The following KDM3A variants were observed in gnomAD, a reference collection of about 807,000 sequenced individuals.
KDM3A encodes the protein lysine-specific demethylase 3A.
A neutral mutation model predicts 158.0 loss-of-function variants in KDM3A; 60 were observed. That is an observed-to-expected ratio of 0.38 (90% CI 0.31 to 0.47). The LOEUF is 0.47. Ranked by LOEUF, KDM3A falls within the 20% of genes least tolerant of loss-of-function variation. KDM3A has a pLI of 0.99. For synonymous variants in KDM3A, 608 were observed against 549.3 expected (o/e 1.11, Z -1.49); for missense variants, 1,319 against 1,574.3 (o/e 0.84, Z 2.74).
chr2:86,461,217 C>T (rs1387366154), intron 8 of KDM3A, among the ~76,000 whole-genome samples: 2 of 152,090 alleles, frequency 1.3e-5, no homozygotes, highest in Non-Finnish European at 2.9e-5. Flanking sequence ...GTGCTGTTGC[C>T]ACTGCTCTCC....
At position 86,483,711 on chromosome 2, in the gene KDM3A, C is replaced by T. The variant is rs553909676; in HGVS notation, c.2923-276C>T. On this transcript the variant is annotated intron_variant, in intron 18 of 25. Transcript: ENST00000312912. ...AGCGCTTGTCTTCTTCACAGTCCGT[C>T]TTGCTGTAAGTAATGAGATCTTACT... is the stretch of plus-strand genomic sequence containing the variant. The T allele has an allele frequency of 3.1e-5, 7 of 225,962 alleles. No individual in the cohort carries two copies. The South Asian group carries it at 7.3e-4, about 23-fold the overall frequency. The allele number at this position is 225,962 out of a possible 1,614,324, so 14.0% of individuals were successfully genotyped here. A position where few individuals can be genotyped will look rare whatever the true frequency, so the allele number is the denominator to read the frequency against.
chr2:86,460,083 T>C (rs1672863811), intron 8 of KDM3A, among the ~76,000 whole-genome samples: 1 of 152,156 alleles, frequency 6.6e-6, no homozygotes, highest in South Asian at 2.1e-4. Context: ...TAGAAAAGTA[T>C]AGTAAAGAAT....
At chr2:86,472,368 A>G (rs1673458271) in intron 11 of KDM3A, among the ~76,000 whole-genome samples, 1 of 152,122 alleles carries the variant, frequency 6.6e-6, no homozygotes, top group South Asian at 2.1e-4. Flanking sequence ...TGATGTTTAG[A>G]GTGAAGATTG....
chr2:86,481,901 T>C, intron 16 of KDM3A, 29 bp from the exon 17 acceptor site: 1 of 1,569,110 alleles, frequency 6.4e-7, no homozygotes, highest in Non-Finnish European at 8.7e-7. Flanking sequence ...AGAATGTTTT[T>C]TCATCTGGAT....
Position 86,489,677 on chromosome 2 carries a change from T to G in KDM3A, c.3573+18T>G. On this transcript the variant is annotated intron_variant, in intron 23 of 25. Transcript: ENST00000312912. ...TTAAAAAGGTGTGCTGCTTATGGCA[T>G]GTGTGAACAGAGGCATAAGGAATAG... 6.2e-7 allele frequency: 1 copy of G among 1,601,338 alleles called. No individual in the cohort carries two copies. The highest frequency in any genetic ancestry group is 8.5e-7 in the Non-Finnish European group (1 of 1,174,060).
intron 19 of KDM3A, chr2:86,484,660 C>T (rs1674097406): frequency 2.8e-6 from 1 of 360,334 alleles, no homozygotes. Context: ...AAAGACAAGG[C>T]CCTGACACAG....
chr2:86,465,938 CAAAAA>C (rs10541366), intron 9 of KDM3A, among the ~76,000 whole-genome samples: 5 of 118,054 alleles, frequency 4.2e-5, no homozygotes, highest in Non-Finnish European at 9.0e-5. Context: ...AATTTACACA[CAAAAA>C]AAAAAAAAAA....
chr2:86,485,753 TC>T lies in KDM3A; in HGVS notation c.3209del (p.Pro1070HisfsTer12). On this transcript the variant is annotated frameshift_variant, in exon 21 of 26. Transcript: ENST00000312912. LOFTEE classifies it high-confidence loss of function. ...GGTTTGATGATCTGATGGCCAACATTCCACTGCCCGAGTACACAAGGCGAGA... is the reference window on the plus strand; with the variant it reads ...GGTTTGATGATCTGATGGCCAACATTCACTGCCCGAGTACACAAGGCGAGA... The part of the protein sequence containing the change: ...SRFDDLMANI[P>X]LPEYTRRDGK... 1 of 1,614,086 alleles carries T rather than the reference TC, an allele frequency of 6.2e-7. No individual in the cohort carries two copies.
At position 86,474,800 on chromosome 2, in the gene KDM3A, G is replaced by T; in HGVS notation, c.1749G>T (p.Val583=). 6.2e-7 allele frequency: 1 copy of T among 1,608,428 alleles called. No homozygotes were observed. The highest frequency in any genetic ancestry group is 1.1e-5 in the South Asian group (1 of 90,980). Residue 583 remains valine, a synonymous_variant, in exon 12 of 26, where the codon GTG becomes GTT. Transcript: ENST00000312912. ...GGTTACAATTCAACAAACATGGTGT[G>T]TTGCGGGTAGAAGGCTTCTTAACAC... ...FRRLQFNKHG[V]LRVEGFLTPN... is the part of the protein sequence containing the mutation.
chr2:86,458,341 C>T (rs1672791360), intron 8 of KDM3A, among the ~76,000 whole-genome samples: 1 of 152,148 alleles, frequency 6.6e-6, no homozygotes, highest in Non-Finnish European at 1.5e-5. Context: ...CCTCTGTCCT[C>T]CTTTGAAGGG....
At position 86,489,289 on chromosome 2, in the gene KDM3A, G is replaced by A. The variant is rs552357373; in HGVS notation, c.3314-29G>A. The A allele has an allele frequency of 1.1e-5, 17 of 1,605,474 alleles. No individual in the cohort carries two copies. The South Asian group carries it at 1.7e-4, about 16-fold the overall frequency. ...ACTGTGGCAGCCTTTGTTGTCTTTT[G>A]TAAAACTTAAGGCACTTTGTTTTTG... On this transcript the variant is annotated intron_variant, in intron 21 of 25. Transcript: ENST00000312912.
At chr2:86,455,380 G>A (rs1672646557) in intron 5 of KDM3A, among the ~76,000 whole-genome samples, 193 bp downstream of exon 5, 1 of 150,096 alleles carries the variant, frequency 6.7e-6, no homozygotes, top group Non-Finnish European at 1.5e-5. Flanking sequence ...TGCCTTACAA[G>A]TAGCTAGGAC....
rs565669477 is a variant in KDM3A at position 86,449,602 on chromosome 2, G to A, written c.187-205G>A. Among the ~76,000 whole-genome samples, 17 of 152,276 alleles carry A rather than the reference G, an allele frequency of 1.1e-4. No homozygotes were observed. The East Asian group carries it at 2.5e-3, about 22-fold the overall frequency. Reference sequence around the variant, plus strand: ...CAAAAAGCCTTGACTTCTGCATCCCGAAGTGAGTTGGGAGCCAAAGCCTGG... The same window carrying A: ...CAAAAAGCCTTGACTTCTGCATCCCAAAGTGAGTTGGGAGCCAAAGCCTGG... On this transcript the variant is annotated intron_variant, in intron 2 of 25. Transcript: ENST00000312912.
intron 11 of KDM3A, among the ~76,000 whole-genome samples, chr2:86,473,079 G>A (rs898575366): frequency 6.6e-6 from 1 of 152,084 alleles, no homozygotes; most frequent in Non-Finnish European, 1.5e-5. Flanking sequence ...TCTGTTACAG[G>A]CTACTTCATT....
chr2:86,489,734 C>T (rs1674362939), intron 23 of KDM3A, 75 bp downstream of exon 23: 7 of 1,484,582 alleles, frequency 4.7e-6, no homozygotes, highest in Non-Finnish European at 6.3e-6. Context: ...GGTGAACTGA[C>T]TGGCTTGGCT....
chr2:86,439,406 G>C (rs761405655), upstream of KDM3A, among the ~76,000 whole-genome samples: 70 of 152,034 alleles, frequency 4.6e-4, no homozygotes, highest in Non-Finnish European at 8.3e-4. Flanking sequence ...AAGTATAATT[G>C]AACCATAGTT....
intron 9 of KDM3A, among the ~76,000 whole-genome samples, chr2:86,464,652 A>C (rs1032896672): frequency 6.6e-6 from 1 of 152,252 alleles, no homozygotes; most frequent in African/African-American, 2.4e-5. Flanking sequence ...CTCTAAGAAT[A>C]ATAGAAATGA....
At chr2:86,455,543 C>CT (rs1324500891) in intron 5 of KDM3A, among the ~76,000 whole-genome samples, 6 of 151,980 alleles carry the variant, frequency 3.9e-5, no homozygotes, top group Non-Finnish European at 7.4e-5. Context: ...CCATTTCTTA[C>CT]TTTTTTTCTA....
Position 86,492,387 on chromosome 2 carries a change from C to T in KDM3A, c.*268C>T, listed in dbSNP as rs1674501485. On this transcript the variant is annotated 3_prime_UTR_variant, in exon 26 of 26. Coordinates refer to ENST00000312912, the MANE Select transcript of KDM3A (RefSeq NM_018433.6). Reference sequence around the variant, plus strand: ...CTGTAAAAGCAAAACCTCGTATCAGCTCTGGAACAATACCTGCAGTTATTC... The same window carrying T: ...CTGTAAAAGCAAAACCTCGTATCAGTTCTGGAACAATACCTGCAGTTATTC... 2.6e-6 allele frequency: 1 copy of T among 385,168 alleles called. No individual in the cohort carries two copies. The highest frequency in any genetic ancestry group is 4.7e-6 in the Non-Finnish European group (1 of 211,414). 23.9% of individuals were successfully genotyped at this position (385,168 alleles called of 1,614,324 possible).
Sources: allele counts gnomAD v4.1 joint callset (sites outside exome capture counted in the v4.1 genomes callset), GRCh38; gene constraint gnomAD v4.1.1; transcripts MANE v1.5; gene names NCBI Gene and HGNC (gene_info 2026-07-23, HGNC 2026-07-21).